Variants in TTC7B observed in about 807,000 individuals in gnomAD.
TTC7B encodes the protein tetratricopeptide repeat domain 7B, also known as tetratricopeptide repeat protein 7B.
Under a neutral mutation model 106.8 loss-of-function variants are expected in TTC7B, and 28 were observed. That is an observed-to-expected ratio of 0.26 (90% CI 0.19 to 0.36). The LOEUF (loss-of-function observed/expected upper bound fraction) is 0.36. TTC7B is among the 10% of genes least tolerant of loss of function. The probability of loss-of-function intolerance (pLI) is 1.00; values close to 1 mark genes in which losing one functional copy is unlikely to be tolerated. For synonymous variants in TTC7B, 405 were observed against 430.6 expected (o/e 0.94, Z 0.74); for missense variants, 862 against 1,076.4 (o/e 0.80, Z 2.79).
rs1011865009 is a variant in TTC7B at position 90,624,725 on chromosome 14, G to A, written c.1752-6680C>T. ...TAAAAAATGTGCTGATTATATCAAG[G>A]AAGAAACACACATATTAATACACAA... On this transcript the variant is annotated intron_variant, in intron 15 of 19. Transcript: ENST00000328459. This position sits in a 1 kb window ranked among gnomAD's most constrained non-coding sequence, Gnocchi z 4.0. Among the ~76,000 whole-genome samples, 2 of 152,214 alleles carry A rather than the reference G, an allele frequency of 1.3e-5. No individual in the cohort carries two copies. The highest frequency in any genetic ancestry group is 2.9e-5 in the Non-Finnish European group (2 of 68,040).
At chr14:90,653,865 T>A (rs569356447) in intron 12 of TTC7B, among the ~76,000 whole-genome samples, 12 of 152,268 alleles carry the variant, frequency 7.9e-5, no homozygotes, top group African/African-American at 2.6e-4. Context: ...GCAGGAGTAA[T>A]GAGGGGTAGA....
At chr14:90,645,791 C>T (rs1444264536) in intron 14 of TTC7B, among the ~76,000 whole-genome samples, 6 of 152,154 alleles carry the variant, frequency 3.9e-5, no homozygotes, top group Admixed American at 1.3e-4. Flanking sequence ...CTTCATTTAG[C>T]GAGTATTCCT....
chr14:90,683,474 C>T (rs1887134723), intron 7 of TTC7B, among the ~76,000 whole-genome samples: 1 of 152,112 alleles, frequency 6.6e-6, no homozygotes, highest in African/African-American at 2.4e-5. Flanking sequence ...CTGTCGATCC[C>T]AGGTTTATGT....
chr14:90,636,607 C>T (rs942990296), intron 15 of TTC7B, among the ~76,000 whole-genome samples: 8 of 152,028 alleles, frequency 5.3e-5, no homozygotes, highest in Admixed American at 2.6e-4. Flanking sequence ...AGAAAACATT[C>T]TTTTCAGGCA....
intron 16 of TTC7B, among the ~76,000 whole-genome samples, chr14:90,611,715 G>A (rs778389168): frequency 5.3e-5 from 8 of 152,062 alleles, no homozygotes; most frequent in South Asian, 2.1e-4. Flanking sequence ...CTGTTCACCC[G>A]GTAAAGCCAC....
chr14:90,753,100 T>C (rs1260005908), intron 3 of TTC7B, among the ~76,000 whole-genome samples: 3 of 152,184 alleles, frequency 2.0e-5, no homozygotes, highest in Non-Finnish European at 4.4e-5. Flanking sequence ...TTGAACTGCA[T>C]TGAAATGGAC....
chr14:90,702,143 G>A (rs749300928), intron 5 of TTC7B, among the ~76,000 whole-genome samples: 20 of 152,168 alleles, frequency 1.3e-4, no homozygotes, highest in Non-Finnish European at 1.9e-4. Context: ...TCAAGTCCAA[G>A]CTTTGCCATT....
chr14:90,598,121 C>T (rs1262394759), intron 17 of TTC7B, among the ~76,000 whole-genome samples: 4 of 152,224 alleles, frequency 2.6e-5, no homozygotes, highest in Non-Finnish European at 4.4e-5. Flanking sequence ...TGCCGTGCTC[C>T]GTCTAGGAGA....
At chr14:90,707,119 C>T (rs1749706) in intron 5 of TTC7B, among the ~76,000 whole-genome samples, 50,687 of 152,102 alleles carry the variant, frequency 0.33, 8,769 homozygotes, top group Middle Eastern at 0.39. Context: ...TCCATAACTA[C>T]TCAGTTGCTT....
intron 19 of TTC7B, among the ~76,000 whole-genome samples, chr14:90,556,938 T>C (rs992972794): frequency 2.0e-5 from 3 of 152,204 alleles, no homozygotes; most frequent in African/African-American, 7.2e-5. Flanking sequence ...GGCAGGGCTA[T>C]GACCCCAGGG....
rs1018270704 is a variant in TTC7B at position 90,808,827 on chromosome 14, A to C, written c.121+7348T>G. Among the ~76,000 whole-genome samples the C allele has an allele frequency of 6.6e-6, 1 of 152,040 alleles. No individual in the cohort carries two copies. Among genetic ancestry groups the C allele is most frequent in the African/African-American group, 2.4e-5 (1 of 41,394 alleles). ...AGGTCATTCAGAGGGGCAGGAATCCACCCACGTGTGGCCAACGTGAATAAG... is the reference window on the plus strand; with the variant it reads ...AGGTCATTCAGAGGGGCAGGAATCCCCCCACGTGTGGCCAACGTGAATAAG... On this transcript the variant is annotated intron_variant, in intron 1 of 19. Coordinates refer to ENST00000328459, the MANE Select transcript of TTC7B (RefSeq NM_001010854.2). This position sits in a 1 kb window ranked among gnomAD's most constrained non-coding sequence, Gnocchi z 4.2.
intron 15 of TTC7B, among the ~76,000 whole-genome samples, chr14:90,634,549 A>G (rs1437625065): frequency 6.6e-6 from 1 of 152,148 alleles, no homozygotes; most frequent in Non-Finnish European, 1.5e-5. Context: ...TGGCGGGTGA[A>G]TCACCTGAGG....
intron 1 of TTC7B, among the ~76,000 whole-genome samples, chr14:90,803,435 G>A (rs1430471546): frequency 1.3e-5 from 2 of 152,198 alleles, no homozygotes; most frequent in East Asian, 3.8e-4. Context: ...CCCCTGGGGT[G>A]CCTGGGACAC....
intron 15 of TTC7B, among the ~76,000 whole-genome samples, chr14:90,619,579 A>T (rs967258090): frequency 6.6e-5 from 10 of 152,226 alleles, no homozygotes; most frequent in African/African-American, 2.4e-4. Flanking sequence ...GAAGAAAAAG[A>T]GAGGGAGGAG....
chr14:90,742,164 C>T lies in TTC7B; in HGVS notation c.576+2628G>A, dbSNP rs1220157297. Among the ~76,000 whole-genome samples the T allele has an allele frequency of 6.6e-6, 1 of 152,152 alleles. No homozygotes were observed. The highest frequency in any genetic ancestry group is 1.5e-5 in the Non-Finnish European group (1 of 68,040). ...CAAGCAATCCTCCCACCTAAGCCTC[C>T]CAAGTAGCTGGGACTACAGGCACTT... is the stretch of plus-strand genomic sequence containing the variant. On this transcript the variant is annotated intron_variant, in intron 4 of 19. Coordinates refer to ENST00000328459, the MANE Select transcript of TTC7B (RefSeq NM_001010854.2). This position sits in a 1 kb window ranked among gnomAD's most constrained non-coding sequence, Gnocchi z 4.1.
chr14:90,552,881 G>A (rs568935475), intron 19 of TTC7B, among the ~76,000 whole-genome samples: 4 of 152,230 alleles, frequency 2.6e-5, no homozygotes, highest in Non-Finnish European at 4.4e-5. Flanking sequence ...CGGGGTGGCT[G>A]CTTCCTCACT....
intron 4 of TTC7B, among the ~76,000 whole-genome samples, chr14:90,735,243 C>T (rs763717977): frequency 6.6e-6 from 1 of 152,184 alleles, no homozygotes; most frequent in Non-Finnish European, 1.5e-5. Context: ...CGGTGGCTCA[C>T]GCCTGTAATC....
rs1037491916 is a variant in TTC7B, at chr14:90,577,409, C to T, written c.2310+697G>A. ...CCCACCTAACTGAAACCGACACGGCCAGGTGGCCGGCTCCAGGGTCTCTCA... is the reference window on the plus strand; with the variant it reads ...CCCACCTAACTGAAACCGACACGGCTAGGTGGCCGGCTCCAGGGTCTCTCA... On this transcript the variant is annotated intron_variant, in intron 19 of 19. Coordinates refer to ENST00000328459, the MANE Select transcript of TTC7B (RefSeq NM_001010854.2). This position sits in a 1 kb window ranked among gnomAD's most constrained non-coding sequence, Gnocchi z 5.0. Among the ~76,000 whole-genome samples the T allele has an allele frequency of 6.6e-6, 1 of 152,216 alleles. No individual in the cohort carries two copies. Among genetic ancestry groups the T allele is most frequent in the African/African-American group, 2.4e-5 (1 of 41,454 alleles).
At chr14:90,792,419 A>G (rs2140047037) in intron 1 of TTC7B, among the ~76,000 whole-genome samples, 1 of 152,202 alleles carries the variant, frequency 6.6e-6, no homozygotes, top group South Asian at 2.1e-4. Flanking sequence ...CCTACTAAAA[A>G]TACAAAAATT....
Sources: gnomAD v4.1 joint callset for allele counts (sites outside exome capture counted in the v4.1 genomes callset) on GRCh38, gnomAD v4.1.1 for gene constraint, Gnocchi (gnomAD v3.1) non-coding constraint, MANE v1.5 for transcripts, NCBI Gene and HGNC (gene_info 2026-07-23, HGNC 2026-07-21) for gene names.